ACAD10: variants seen among roughly 807,000 people sequenced by gnomAD.
ACAD10 encodes the protein ACAD-10.
Under a neutral mutation model 116.8 loss-of-function variants are expected in ACAD10, and 112 were observed. The observed-to-expected ratio is 0.96, with a 90% CI of 0.82 to 1.12. The LOEUF (loss-of-function observed/expected upper bound fraction) is 1.12, where lower values mean the gene tolerates loss of function less well. Among genes scored for constraint, ACAD10 ranks in the 50% most tolerant of loss-of-function variants. ACAD10 has a pLI of 0.00. For missense variants in ACAD10, 1,259 were observed against 1,350.2 expected (o/e 0.93, Z 1.06); for synonymous variants, 486 against 510.6 (o/e 0.95, Z 0.65).
chr12:111,754,607 C>G (rs1593059677), intron 19 of ACAD10, among the ~76,000 whole-genome samples: 1 of 146,846 alleles, frequency 6.8e-6, no homozygotes, highest in East Asian at 2.6e-4. Context: ...AGACCCTCAA[C>G]CATCAGGGAC....
chr12:111,733,462 A>G (rs746678039), intron 10 of ACAD10, among the ~76,000 whole-genome samples: 8 of 152,114 alleles, frequency 5.3e-5, no homozygotes, highest in Non-Finnish European at 1.0e-4. Flanking sequence ...CAGAAGCTGT[A>G]TCACGTTTTC....
At chr12:111,753,709 C>T in intron 18 of ACAD10, 63 bp from the exon 19 acceptor site, 1 of 1,610,698 alleles carries the variant, frequency 6.2e-7, no homozygotes. Context: ...GCCACCAGCC[C>T]CCGCCTCTCG....
At chr12:111,702,065 AG>A (rs1888362851) in intron 2 of ACAD10, 96 bp from the exon 3 acceptor site, 1 of 1,307,810 alleles carries the variant, frequency 7.6e-7, no homozygotes, top group Admixed American at 2.3e-5. Context: ...CTGGCAGTAC[AG>A]CGAGTCCGTA....
Position 111,715,830 on chromosome 12 carries a change from A to C in ACAD10, c.860A>C (p.Glu287Ala). Residue 287 changes from glutamate (E) to alanine (A), a missense_variant, in exon 7 of 21, where the codon GAA becomes GCA. Transcript: ENST00000313698. Reference protein sequence around the residue: ...LLGIQTTGPLELLQFDHGQSN... With the variant: ...LLGIQTTGPLALLQFDHGQSN... The stretch of plus-strand genomic sequence containing the variant: ...GTTTTCAAACTTGCAGGCCCATTGG[A>C]ACTACTTCAGTTTGATCACGGGCAG... 1 of 1,614,154 alleles carries C rather than the reference A, an allele frequency of 6.2e-7. No homozygotes were observed. Among genetic ancestry groups the C allele is most frequent in the Non-Finnish European group, 8.5e-7 (1 of 1,180,028 alleles).
chr12:111,709,837 T>C, intron 5 of ACAD10, 153 bp downstream of exon 5: 1 of 845,930 alleles, frequency 1.2e-6, no homozygotes, highest in Non-Finnish European at 1.8e-6. Flanking sequence ...ATGAAATCTA[T>C]GTGACTAGCT....
chr12:111,745,835 CTTTTT>C (rs532150491), intron 13 of ACAD10, among the ~76,000 whole-genome samples: 1 of 104,766 alleles, frequency 9.5e-6, no homozygotes, highest in Admixed American at 1.1e-4. Flanking sequence ...CCATCTCTCT[CTTTTT>C]TTTTTTTTTT....
Position 111,744,449 on chromosome 12 carries a change from T to A in ACAD10, c.1715-194T>A, listed in dbSNP as rs539850775. 27 of 659,828 alleles carry A rather than the reference T, an allele frequency of 4.1e-5. 1 individual carries two copies. The highest frequency in any genetic ancestry group is 4.0e-4 in the African/African-American group (22 of 55,114). The allele number at this position is 659,828 out of a possible 1,614,324, so 40.9% of individuals were successfully genotyped here. ...TTCTCTAAGACTCAGTTTTCTTGCG[T>A]GCAAAGTGCAGGTGAAAGCAGTTGT... On this transcript the variant is annotated intron_variant, in intron 12 of 20. Coordinates refer to ENST00000313698, the MANE Select transcript of ACAD10 (RefSeq NM_025247.6).
intron 5 of ACAD10, among the ~76,000 whole-genome samples, chr12:111,710,581 G>C (rs1457497578): frequency 6.6e-6 from 1 of 150,874 alleles, no homozygotes; most frequent in African/African-American, 2.4e-5. Flanking sequence ...TGTAACCTCT[G>C]CCTCCCTGGT....
intron 2 of ACAD10, among the ~76,000 whole-genome samples, chr12:111,699,869 A>G (rs1795012215): frequency 1.3e-5 from 2 of 152,160 alleles, no homozygotes; most frequent in Non-Finnish European, 2.9e-5. Flanking sequence ...GCAGTGGGCC[A>G]TGACTGTGCC....
Position 111,748,461 on chromosome 12 carries a change from T to A in ACAD10, c.2630T>A (p.Leu877Gln), listed in dbSNP as rs1470656727. ...ATCCGGCCTCTGACGGTGTATGGAC[T>A]GGAAGATGCACCAGGTGAGACCTCC... Reference protein sequence around the residue: ...KIIRPLTVYGLEDAPGGHGEV... With the variant: ...KIIRPLTVYGQEDAPGGHGEV... The change falls in exon 17 of 21, where the codon CTG (leucine) becomes CAG (glutamine). Residue 877 changes from leucine (L) to glutamine (Q), a missense_variant. By Grantham distance (113) the Leu-to-Gln change is moderately radical. Coordinates refer to ENST00000313698, the MANE Select transcript of ACAD10 (RefSeq NM_025247.6). The A allele has an allele frequency of 1.2e-6, 2 of 1,613,472 alleles. No homozygotes were observed. The highest frequency in any genetic ancestry group is 1.7e-6 in the Non-Finnish European group (2 of 1,180,018).
chr12:111,741,230 C>T (rs955569996), intron 12 of ACAD10, among the ~76,000 whole-genome samples: 9 of 152,342 alleles, frequency 5.9e-5, no homozygotes, highest in Middle Eastern at 3.4e-3. Context: ...CTGTAAGCCA[C>T]TATTTCCCAT....
intron 2 of ACAD10, among the ~76,000 whole-genome samples, chr12:111,699,015 A>T (rs1378928217): frequency 6.6e-6 from 1 of 151,978 alleles, no homozygotes; most frequent in East Asian, 1.9e-4. Context: ...AGGTAGCTGC[A>T]CTATAGGCTC....
At chr12:111,755,633 G>T in intron 19 of ACAD10, 35 bp from the exon 20 acceptor site, 1 of 1,580,684 alleles carries the variant, frequency 6.3e-7, no homozygotes, top group South Asian at 1.1e-5. Context: ...GGCTGCCCTC[G>T]GGTCTTTTAT....
At chr12:111,689,721 T>C (rs984976028) in intron 1 of ACAD10, among the ~76,000 whole-genome samples, 2 of 139,658 alleles carry the variant, frequency 1.4e-5, no homozygotes, top group Non-Finnish European at 3.1e-5. Context: ...TATTTTCTTC[T>C]TTTTTTTTTT....
intron 2 of ACAD10, among the ~76,000 whole-genome samples, chr12:111,696,547 C>A (rs956722428): frequency 3.9e-5 from 6 of 152,128 alleles, no homozygotes; most frequent in Non-Finnish European, 8.8e-5. Context: ...TCCATGACTG[C>A]TTTTACCCTG....
intron 5 of ACAD10, 107 bp downstream of exon 5, chr12:111,709,791 C>G: frequency 8.2e-7 from 1 of 1,221,326 alleles, no homozygotes. Flanking sequence ...AGGGTTTCCC[C>G]CTGTGTTTCC....
chr12:111,695,631 G>A (rs1411004575), intron 2 of ACAD10, among the ~76,000 whole-genome samples: 2 of 152,136 alleles, frequency 1.3e-5, no homozygotes, highest in African/African-American at 4.8e-5. Flanking sequence ...GAACAAAATA[G>A]TGATGCCTTC....
Position 111,753,923 on chromosome 12 carries a change from C to T in ACAD10, c.2961+8C>T, listed in dbSNP as rs774752535. 1.3e-6 allele frequency: 2 copies of T among 1,596,264 alleles called. No homozygotes were observed. Among genetic ancestry groups the T allele is most frequent in the South Asian group, 2.2e-5 (2 of 89,766 alleles). ...GACCTGGCAGGAAACAAGGTAGGGG[C>T]AGGGGCACGAGGGGGCCTCCCAGAG... On this transcript the variant is annotated splice_region_variant and intron_variant, in intron 19 of 20. Transcript: ENST00000313698.
rs144192164 is a variant in ACAD10 at position 111,746,633 on chromosome 12, C to T, written c.2256+349C>T. ...AAACTCCTGACCTCAGGTGATCCACCTACCCTGGCCCCACAAAGTGCTGGG... is the reference window on the plus strand; with the variant it reads ...AAACTCCTGACCTCAGGTGATCCACTTACCCTGGCCCCACAAAGTGCTGGG... On this transcript the variant is annotated intron_variant, in intron 14 of 20. Coordinates refer to ENST00000313698, the MANE Select transcript of ACAD10 (RefSeq NM_025247.6). 3.0e-4 allele frequency among the ~76,000 whole-genome samples: 45 copies of T among 152,278 alleles called. No individual in the cohort carries two copies. In the East Asian group the frequency reaches 7.4e-3, roughly 25 times the overall value.
Sources: gnomAD v4.1 joint callset for allele counts (sites outside exome capture counted in the v4.1 genomes callset) on GRCh38, gnomAD v4.1.1 for gene constraint, MANE v1.5 for transcripts, NCBI Gene and HGNC (gene_info 2026-07-23, HGNC 2026-07-21) for gene names.